Variants in LPP observed in about 807,000 individuals in gnomAD.
LPP encodes LIM domain containing preferred translocation partner in lipoma.
In LPP, 38 loss-of-function variants were observed where a neutral mutation model predicts 60.4. That is an observed-to-expected ratio of 0.63 (90% CI 0.49 to 0.83). The LOEUF (loss-of-function observed/expected upper bound fraction) is 0.83. Ranked by LOEUF, LPP falls within the 40% of genes least tolerant of loss-of-function variation. The pLI, the probability that LPP is intolerant of heterozygous loss-of-function variation, is 0.00. For synonymous variants in LPP, 328 were observed against 290.8 expected, an observed-to-expected ratio of 1.13 and a Z score of -1.30; for missense variants, 902 against 783.6, an observed-to-expected ratio of 1.15 and a Z score of -1.80.
chr3:188,655,299 T>A (rs1473967), intron 7 of LPP, among the ~76,000 whole-genome samples: 151,136 of 152,236 alleles, frequency 0.99, 75,028 homozygotes, highest in East Asian at 1. Flanking sequence ...AGCAGCACGT[T>A]AAAAAGTGCC....
chr3:188,202,159 G>A (rs904495700), intron 1 of LPP, among the ~76,000 whole-genome samples: 10 of 151,834 alleles, frequency 6.6e-5, no homozygotes, highest in African/African-American at 9.7e-5. Context: ...GAGCAGAAAC[G>A]TAGCCTCGTC....
At chr3:188,529,718 C>A (rs555586997) in intron 6 of LPP, among the ~76,000 whole-genome samples, 1 of 152,258 alleles carries the variant, frequency 6.6e-6, no homozygotes, top group South Asian at 2.1e-4. Flanking sequence ...TTCATTGATT[C>A]ATTCACCTAA....
intron 7 of LPP, among the ~76,000 whole-genome samples, chr3:188,707,365 A>G (rs970672726): frequency 1.2e-4 from 19 of 152,114 alleles, no homozygotes; most frequent in African/African-American, 4.6e-4. Context: ...GGGATAAAAG[A>G]CTATACATTT....
intron 3 of LPP, among the ~76,000 whole-genome samples, chr3:188,395,847 C>T (rs1179270874): frequency 6.6e-6 from 1 of 151,974 alleles, no homozygotes; most frequent in Non-Finnish European, 1.5e-5. Flanking sequence ...CTAGGAGTTG[C>T]AGGCTTCAGT....
intron 4 of LPP, among the ~76,000 whole-genome samples, chr3:188,443,768 T>C (rs1446175040): frequency 6.6e-6 from 1 of 152,230 alleles, no homozygotes; most frequent in South Asian, 2.1e-4. Context: ...CAGGAAAGAA[T>C]TGGGTTGCCA....
intron 2 of LPP, among the ~76,000 whole-genome samples, chr3:188,225,896 G>T (rs1404077996): frequency 6.6e-6 from 1 of 152,212 alleles, no homozygotes; most frequent in Non-Finnish European, 1.5e-5. Context: ...AGACCAAAAT[G>T]AAAATGTCAC....
intron 9 of LPP, among the ~76,000 whole-genome samples, chr3:188,839,729 T>G (rs1476814195): frequency 6.6e-6 from 1 of 151,644 alleles, no homozygotes; most frequent in Non-Finnish European, 1.5e-5. Context: ...AATACAAAAA[T>G]TAACTGGGCA....
At chr3:188,765,350 C>T (rs1423914142) in intron 9 of LPP, among the ~76,000 whole-genome samples, 2 of 149,632 alleles carry the variant, frequency 1.3e-5, no homozygotes, top group African/African-American at 4.9e-5. Flanking sequence ...TTTCTTCTTG[C>T]TGTTACATCA....
intron 9 of LPP, among the ~76,000 whole-genome samples, chr3:188,775,872 T>C (rs1413833749): frequency 1.3e-5 from 2 of 152,250 alleles, no homozygotes; most frequent in African/African-American, 4.8e-5. Context: ...CAAGGGTATT[T>C]CTGAGTTCCT....
chr3:188,504,773 G>C (rs1425609556), intron 5 of LPP, among the ~76,000 whole-genome samples: 1 of 140,740 alleles, frequency 7.1e-6, no homozygotes, highest in African/African-American at 2.6e-5. Context: ...CCCAAAATGA[G>C]AAAAAGTAAA....
At chr3:188,543,154 A>G (rs1825669055) in intron 6 of LPP, among the ~76,000 whole-genome samples, 1 of 152,150 alleles carries the variant, frequency 6.6e-6, no homozygotes, top group South Asian at 2.1e-4. Flanking sequence ...TATGATCGGA[A>G]ATAGAAGAGG....
chr3:188,483,188 A>G (rs561542928), intron 4 of LPP, among the ~76,000 whole-genome samples: 94 of 152,330 alleles, frequency 6.2e-4, no homozygotes, highest in African/African-American at 2.1e-3. Flanking sequence ...GCTAGACCTG[A>G]CAGTTCTTGG....
chr3:188,792,394 C>T (rs957313666), intron 9 of LPP, among the ~76,000 whole-genome samples: 2 of 152,214 alleles, frequency 1.3e-5, no homozygotes, highest in Non-Finnish European at 2.9e-5. Context: ...GCCTCCTCCT[C>T]AGATTGTGCC....
Position 188,886,866 on chromosome 3 carries a change from G to A in LPP, c.*12387G>A, listed in dbSNP as rs1770743142. The stretch of plus-strand genomic sequence containing the variant: ...TAAATCCTAAACCTGACCCATTTTT[G>A]TAACAGCTAAAAAGGAGAAGAAAAA... On this transcript the variant is annotated 3_prime_UTR_variant, in exon 12 of 12. Coordinates refer to ENST00000617246, the MANE Select transcript of LPP (RefSeq NM_001375462.1). The A allele has an allele frequency of 8.7e-6, 2 of 229,272 alleles. No homozygotes were observed. The highest frequency in any genetic ancestry group is 3.7e-4 in the South Asian group (2 of 5,476). The allele number at this position is 229,272 out of a possible 1,614,324, so 14.2% of individuals were successfully genotyped here.
intron 2 of LPP, among the ~76,000 whole-genome samples, chr3:188,247,578 C>T (rs1054959297): frequency 2.6e-5 from 4 of 151,934 alleles, no homozygotes; most frequent in East Asian, 3.9e-4. Flanking sequence ...CCAAGGTGGG[C>T]GCCTGAGGTC....
chr3:188,271,427 C>A (rs889318815), intron 2 of LPP, among the ~76,000 whole-genome samples: 2 of 152,184 alleles, frequency 1.3e-5, no homozygotes, highest in African/African-American at 2.4e-5. Flanking sequence ...AAGGCAGATT[C>A]CACAGCTTCC....
intron 6 of LPP, among the ~76,000 whole-genome samples, chr3:188,590,697 A>G (rs957571857): frequency 4.6e-5 from 7 of 152,198 alleles, no homozygotes; most frequent in Admixed American, 2.6e-4. Flanking sequence ...GGAGAATACT[A>G]GAGAGTGGTG....
At chr3:188,867,481 C>T (rs1405893733) in intron 10 of LPP, among the ~76,000 whole-genome samples, 1 of 151,898 alleles carries the variant, frequency 6.6e-6, no homozygotes, top group Non-Finnish European at 1.5e-5. Flanking sequence ...GGAGCTGAGA[C>T]TACAGGCATG....
At chr3:188,485,711 G>C (rs1374936079) in intron 5 of LPP, among the ~76,000 whole-genome samples, 1 of 145,178 alleles carries the variant, frequency 6.9e-6, no homozygotes. Context: ...GCAGGAGAAT[G>C]GCGTGAACCC....
Sources: gnomAD v4.1 joint callset for allele counts (sites outside exome capture counted in the v4.1 genomes callset) on GRCh38, gnomAD v4.1.1 for gene constraint, MANE v1.5 for transcripts, NCBI Gene and HGNC (gene_info 2026-07-23, HGNC 2026-07-21) for gene names.